The following CTNNA3 variants were observed in gnomAD, a reference collection of about 807,000 sequenced individuals.
CTNNA3 encodes the protein catenin alpha 3.
A neutral mutation model predicts 95.7 loss-of-function variants in CTNNA3; 76 were observed. That is an observed-to-expected ratio of 0.79 (90% confidence interval 0.66 to 0.96). The LOEUF (loss-of-function observed/expected upper bound fraction) is 0.96, where lower values mean the gene tolerates loss of function less well. CTNNA3 is among the 40% of genes least tolerant of loss of function. The probability of loss-of-function intolerance (pLI) is 0.00; values close to 1 mark genes in which losing one functional copy is unlikely to be tolerated. For missense variants in CTNNA3, 1,191 were observed against 1,089.8 expected (o/e 1.09, Z -1.31); for synonymous variants, 431 against 374.4 (o/e 1.15, Z -1.74).
chr10:66,406,305 G>T lies in CTNNA3; in HGVS notation c.1532-26953C>A, dbSNP rs2132578349. Among the ~76,000 whole-genome samples, 3 of 152,134 alleles carry T rather than the reference G, an allele frequency of 2.0e-5. 1 individual carries two copies. In the South Asian group the frequency reaches 6.2e-4, roughly 32 times the overall value. Reference sequence around the variant, plus strand: ...GATTCTTTCATCTCTTCATTTTTAGGCACTGTTTTTCATCACCACCACAAA... The same window carrying T: ...GATTCTTTCATCTCTTCATTTTTAGTCACTGTTTTTCATCACCACCACAAA... On this transcript the variant is annotated intron_variant, in intron 11 of 17. Coordinates refer to ENST00000433211, the MANE Select transcript of CTNNA3 (RefSeq NM_013266.4).
chr10:67,259,055 G>A (rs559587256), intron 5 of CTNNA3, among the ~76,000 whole-genome samples: 16 of 151,740 alleles, frequency 1.1e-4, no homozygotes, highest in East Asian at 1.9e-4. Context: ...TTATTGTTGC[G>A]TTGTGCTCTT....
chr10:67,409,654 T>G (rs1334513785), intron 5 of CTNNA3, among the ~76,000 whole-genome samples: 1 of 152,078 alleles, frequency 6.6e-6, no homozygotes, highest in African/African-American at 2.4e-5. Context: ...GCTTAATACC[T>G]AAGTGTTGGG....
chr10:67,062,955 C>A (rs1345514175), intron 7 of CTNNA3, among the ~76,000 whole-genome samples: 6 of 152,046 alleles, frequency 3.9e-5, no homozygotes, highest in Non-Finnish European at 8.8e-5. Flanking sequence ...CTCTCATATG[C>A]TGAGAGTTAA....
intron 3 of CTNNA3, among the ~76,000 whole-genome samples, chr10:67,558,332 CTG>C (rs1334480023): frequency 1.3e-5 from 2 of 152,230 alleles, no homozygotes; most frequent in South Asian, 2.1e-4. Context: ...ACTTTTAAAA[CTG>C]TGTCATGTTT....
chr10:66,044,995 T>C (rs1249578375), intron 15 of CTNNA3, among the ~76,000 whole-genome samples: 1 of 152,188 alleles, frequency 6.6e-6, no homozygotes, highest in Non-Finnish European at 1.5e-5. Flanking sequence ...TAGTGGTGTG[T>C]GTTGGATTCC....
At chr10:66,237,909 GT>G (rs928722786) in intron 13 of CTNNA3, among the ~76,000 whole-genome samples, 166 of 151,942 alleles carry the variant, frequency 1.1e-3, no homozygotes, top group African/African-American at 4.0e-3. Flanking sequence ...TGCATCTGTG[GT>G]TTCTTCTAAG....
At chr10:66,786,371 CCTT>C (rs889004006) in intron 7 of CTNNA3, among the ~76,000 whole-genome samples, 1 of 152,108 alleles carries the variant, frequency 6.6e-6, no homozygotes, top group African/African-American at 2.4e-5. Flanking sequence ...CTTCAGCTCT[CCTT>C]CCTCCTCTTG....
chr10:66,457,195 A>G (rs925359824), intron 11 of CTNNA3, among the ~76,000 whole-genome samples: 2 of 152,162 alleles, frequency 1.3e-5, no homozygotes, highest in Non-Finnish European at 2.9e-5. Context: ...ATAATTTAAA[A>G]ACAGATCAGT....
intron 7 of CTNNA3, among the ~76,000 whole-genome samples, chr10:66,940,616 C>T (rs1042282487): frequency 6.6e-6 from 1 of 152,162 alleles, no homozygotes; most frequent in African/African-American, 2.4e-5. Context: ...ATGAAACCCA[C>T]AAATTATATT....
At chr10:67,699,727 T>A (rs954197267), upstream of CTNNA3, among the ~76,000 whole-genome samples, 7 of 152,230 alleles carry the variant, frequency 4.6e-5, no homozygotes, top group African/African-American at 1.4e-4. Context: ...CATTTCCATC[T>A]GAGGTACCAG....
chr10:66,396,606 C>T (rs1377758379), intron 11 of CTNNA3, among the ~76,000 whole-genome samples: 1 of 151,928 alleles, frequency 6.6e-6, no homozygotes, highest in South Asian at 2.1e-4. Flanking sequence ...AGCTTCCCAA[C>T]AATTCATTGG....
chr10:66,551,660 A>G (rs1245014945), intron 10 of CTNNA3, among the ~76,000 whole-genome samples: 4 of 152,062 alleles, frequency 2.6e-5, no homozygotes, highest in Non-Finnish European at 5.9e-5. Flanking sequence ...AATACTTTGT[A>G]ACATGTGGAT....
chr10:67,714,547 TC>T (rs917887162), intron 1 of CTNNA3, among the ~76,000 whole-genome samples: 1 of 152,244 alleles, frequency 6.6e-6, no homozygotes, highest in African/African-American at 2.4e-5. Context: ...TTTTACAGGC[TC>T]ATAGGTAGAA....
At chr10:66,876,648 T>C (rs1158741663) in intron 7 of CTNNA3, among the ~76,000 whole-genome samples, 1 of 152,052 alleles carries the variant, frequency 6.6e-6, no homozygotes, top group Non-Finnish European at 1.5e-5. Context: ...TTAGAATTTT[T>C]TTTTAAATTA....
At chr10:66,587,714 G>A (rs1843407706) in intron 10 of CTNNA3, among the ~76,000 whole-genome samples, 1 of 152,162 alleles carries the variant, frequency 6.6e-6, no homozygotes, top group South Asian at 2.1e-4. Flanking sequence ...CATGCACTTG[G>A]CAAGGCATGT....
At chr10:67,568,763 A>G (rs6480274) in intron 3 of CTNNA3, among the ~76,000 whole-genome samples, 30,102 of 152,042 alleles carry the variant, frequency 0.2, 4,959 homozygotes, top group African/African-American at 0.46. Context: ...CTACTTGTTC[A>G]ACAATGTTGC....
chr10:66,481,155 G>A (rs1839510357), intron 11 of CTNNA3, among the ~76,000 whole-genome samples: 1 of 152,094 alleles, frequency 6.6e-6, no homozygotes, highest in Non-Finnish European at 1.5e-5. Flanking sequence ...CTGTATATAT[G>A]AGTATATGTG....
intron 1 of CTNNA3, among the ~76,000 whole-genome samples, chr10:67,752,894 A>G (rs928517249): frequency 4.6e-5 from 7 of 152,120 alleles, no homozygotes; most frequent in Non-Finnish European, 1.0e-4. Context: ...TGGCCATACT[A>G]CCCAAAGTAA....
chr10:66,040,424 C>T (rs1354526994), intron 15 of CTNNA3, among the ~76,000 whole-genome samples: 2 of 151,766 alleles, frequency 1.3e-5, no homozygotes, highest in African/African-American at 4.8e-5. Context: ...GATAGATGCA[C>T]GTGTATGTTC....
Sources: gnomAD v4.1 joint callset for allele counts (sites outside exome capture counted in the v4.1 genomes callset) on GRCh38, gnomAD v4.1.1 for gene constraint, MANE v1.5 for transcripts, NCBI Gene and HGNC (gene_info 2026-07-23, HGNC 2026-07-21) for gene names.